Variants in OSBP observed in about 807,000 individuals in gnomAD.
OSBP encodes oxysterol-binding protein 1.
Under a neutral mutation model 96.6 loss-of-function variants are expected in OSBP, and 32 were observed. The ratio of observed to expected loss-of-function variants is 0.33; its 90% CI spans 0.25 to 0.45. The LOEUF (loss-of-function observed/expected upper bound fraction) is 0.45, where lower values mean the gene tolerates loss of function less well. OSBP is among the 20% of genes least tolerant of loss of function. The pLI is 1.00. For synonymous variants in OSBP, 369 were observed against 389.6 expected (o/e 0.95, Z 0.62); for missense variants, 653 against 1,029.7 (o/e 0.63, Z 5.01).
intron 1 of OSBP, among the ~76,000 whole-genome samples, chr11:59,612,978 C>T (rs78880681): frequency 0.01 from 1,582 of 152,272 alleles, 41 homozygotes; most frequent in African/African-American, 0.036. Context: ...AGGAAGTACA[C>T]AATCCCACTT....
chr11:59,584,564 A>G (rs1435038618), intron 9 of OSBP, among the ~76,000 whole-genome samples: 2 of 152,248 alleles, frequency 1.3e-5, no homozygotes, highest in African/African-American at 2.4e-5. Flanking sequence ...CAATTGATGC[A>G]GAAAAAGCAT....
intron 9 of OSBP, among the ~76,000 whole-genome samples, chr11:59,585,875 C>A (rs1860493840): frequency 6.6e-6 from 1 of 152,104 alleles, no homozygotes; most frequent in Admixed American, 6.5e-5. Flanking sequence ...TACCCCCAAC[C>A]CTGTGCTCTC....
intron 3 of OSBP, among the ~76,000 whole-genome samples, chr11:59,603,135 T>C (rs1197326813): frequency 2.0e-5 from 3 of 152,232 alleles, no homozygotes; most frequent in South Asian, 2.1e-4. Flanking sequence ...ATTTTACACA[T>C]GCACAGCAGT....
intron 1 of OSBP, among the ~76,000 whole-genome samples, chr11:59,612,956 G>A (rs1025363371): frequency 1.3e-5 from 2 of 152,196 alleles, no homozygotes; most frequent in Non-Finnish European, 2.9e-5. Flanking sequence ...CAGCTCATCC[G>A]AGGATGGGTC....
At position 59,578,336 on chromosome 11, in the gene OSBP, AG is replaced by A. The variant is rs781072310; in HGVS notation, c.1879-7del. 4 of 1,613,396 alleles carry A rather than the reference AG, an allele frequency of 2.5e-6. No individual in the cohort carries two copies. The highest frequency in any genetic ancestry group is 3.4e-6 in the Non-Finnish European group (4 of 1,179,434). On this transcript the variant is annotated splice_polypyrimidine_tract_variant and splice_region_variant and intron_variant, in intron 11 of 13. Coordinates refer to ENST00000263847, the MANE Select transcript of OSBP (RefSeq NM_002556.3). Reference sequence around the variant, plus strand: ...TCTGTCACTTCCCCCGTCACCTGCAAGGGTGGAGAACAGGGCTTGGCTATAT... The same window carrying A: ...TCTGTCACTTCCCCCGTCACCTGCAAGGTGGAGAACAGGGCTTGGCTATAT...
chr11:59,609,501 GACAAAA>G (rs2134708722), intron 2 of OSBP, among the ~76,000 whole-genome samples: 1 of 146,808 alleles, frequency 6.8e-6, no homozygotes, highest in South Asian at 2.1e-4. Flanking sequence ...AAAAAAAAAA[GACAAAA>G]GACCTGTCCT....
intron 12 of OSBP, among the ~76,000 whole-genome samples, chr11:59,577,451 T>C (rs960626817): frequency 6.6e-6 from 1 of 152,148 alleles, no homozygotes; most frequent in South Asian, 2.1e-4. Context: ...TCCTGTACAT[T>C]GTCTCAGGGA....
At chr11:59,582,195 T>G (rs1860430563) in intron 9 of OSBP, among the ~76,000 whole-genome samples, 1 of 152,230 alleles carries the variant, frequency 6.6e-6, no homozygotes, top group South Asian at 2.1e-4. Context: ...TGACTCATGG[T>G]GGGCCTCAGA....
intron 9 of OSBP, among the ~76,000 whole-genome samples, chr11:59,592,855 G>C (rs908838132): frequency 1.3e-5 from 2 of 150,488 alleles, no homozygotes; most frequent in Non-Finnish European, 2.9e-5. Context: ...GAGTGCAATA[G>C]TGCAATCTCA....
chr11:59,608,677 G>C lies in OSBP; in HGVS notation c.629C>G (p.Thr210Ser). ...TACTTTGCTAGAGAGGGTCCGAAGG[G>C]TATTCTGCAGCTCAGTCTTGTCAGT... ...SQTDKTELQN[T>S]LRTLSSKVED... The change falls in exon 3 of 14, where the codon ACC (threonine) becomes AGC (serine). Residue 210 changes from threonine to serine, a missense_variant. Transcript: ENST00000263847. The C allele has an allele frequency of 1.2e-6, 2 of 1,613,870 alleles. No homozygotes were observed. The highest frequency in any genetic ancestry group is 1.7e-6 in the Non-Finnish European group (2 of 1,179,758).
intron 10 of OSBP, among the ~76,000 whole-genome samples, chr11:59,581,114 C>T (rs547355538): frequency 5.3e-5 from 8 of 152,004 alleles, no homozygotes; most frequent in Non-Finnish European, 1.0e-4. Flanking sequence ...ATCCCCAGGA[C>T]CTAGCATACT....
intron 7 of OSBP, chr11:59,594,941 G>C (rs1357890485): frequency 1.3e-5 from 2 of 154,204 alleles, no homozygotes; most frequent in African/African-American, 4.8e-5. Context: ...GTGTGTGCCA[G>C]GAATTGGGGG....
Position 59,601,266 on chromosome 11 carries a change from A to C in OSBP, c.1124+17T>G, listed in dbSNP as rs1860721140. On this transcript the variant is annotated intron_variant, in intron 5 of 13. Coordinates refer to ENST00000263847, the MANE Select transcript of OSBP (RefSeq NM_002556.3). ...TGAAGATATGTTTATTTGCTTCAAC[A>C]ATCAAGGATAACTCACTTGTGGCCC... The C allele has an allele frequency of 5.0e-6, 7 of 1,410,392 alleles. No individual in the cohort carries two copies. Among genetic ancestry groups the C allele is most frequent in the Non-Finnish European group, 7.0e-6 (7 of 995,190 alleles). 87.4% of individuals were successfully genotyped at this position (1,410,392 alleles called of 1,614,324 possible). A position where few individuals can be genotyped will look rare whatever the true frequency, so the allele number is the denominator to read the frequency against.
intron 5 of OSBP, among the ~76,000 whole-genome samples, 172 bp from the exon 6 acceptor site, chr11:59,601,045 T>C (rs912813107): frequency 6.7e-6 from 1 of 150,208 alleles, no homozygotes; most frequent in Non-Finnish European, 1.5e-5. Context: ...GAGAATTTGT[T>C]TACGTAAAAA....
intron 9 of OSBP, among the ~76,000 whole-genome samples, chr11:59,589,292 A>T (rs1860546165): frequency 6.7e-6 from 1 of 150,166 alleles, no homozygotes; most frequent in African/African-American, 2.4e-5. Flanking sequence ...CTGTGCCAAT[A>T]GTCTTAATTA....
chr11:59,576,460 G>T lies in OSBP; in HGVS notation c.*117C>A. The T allele has an allele frequency of 8.7e-7, 1 of 1,152,082 alleles. No homozygotes were observed. The highest frequency in any genetic ancestry group is 1.2e-6 in the Non-Finnish European group (1 of 810,554). The allele number at this position is 1,152,082 out of a possible 1,614,324, so 71.4% of individuals were successfully genotyped here. A position where few individuals can be genotyped will look rare whatever the true frequency, so the allele number is the denominator to read the frequency against. ...GGTGATTGATTTGGAAAAAATGATTGGTCAAGAGAGACAAACTTGAGGAAA... is the reference window on the plus strand; with the variant it reads ...GGTGATTGATTTGGAAAAAATGATTTGTCAAGAGAGACAAACTTGAGGAAA... On this transcript the variant is annotated 3_prime_UTR_variant, in exon 14 of 14. Transcript: ENST00000263847.
Position 59,578,265 on chromosome 11 carries a change from C to A in OSBP, c.1944G>T (p.Glu648Asp). The A allele has an allele frequency of 6.2e-7, 1 of 1,614,222 alleles. No homozygotes were observed. Among genetic ancestry groups the A allele is most frequent in the Non-Finnish European group, 8.5e-7 (1 of 1,180,036 alleles). The change falls in exon 12 of 14, where the codon GAG (glutamate) becomes GAT (aspartate). Residue 648 changes from glutamate (E) to aspartate (D), a missense_variant. Around this residue, in one of 6 missense-constraint regions of OSBP, gnomAD observed 169 missense variants for 251.5 expected, o/e 0.67. Transcript: ENST00000263847. ...GCTGTACTTTGAAACATTCCATTTT[C>A]TCATCCCACGTCCCCAGAAGAGCAA... ...VHFALLGTWDEKMECFKVQPV... is the reference protein window; with the variant it reads ...VHFALLGTWDDKMECFKVQPV...
chr11:59,614,718 A>G (rs1459945118), intron 1 of OSBP, among the ~76,000 whole-genome samples: 1 of 152,252 alleles, frequency 6.6e-6, no homozygotes, highest in African/African-American at 2.4e-5. Flanking sequence ...TCCAGAGGCC[A>G]AAGCACATGC....
At chr11:59,585,167 C>T (rs1015713173) in intron 9 of OSBP, among the ~76,000 whole-genome samples, 3 of 151,732 alleles carry the variant, frequency 2.0e-5, no homozygotes, top group Non-Finnish European at 4.4e-5. Context: ...CTCTGCCCGG[C>T]CGCCATCCCA....
Sources: gnomAD v4.1 joint callset for allele counts (sites outside exome capture counted in the v4.1 genomes callset) on GRCh38, gnomAD v4.1.1 for gene constraint, gnomAD v4.1.1 regional missense constraint, MANE v1.5 for transcripts, NCBI Gene and HGNC (gene_info 2026-07-23, HGNC 2026-07-21) for gene names.